The following LRRTM4 variants were observed in gnomAD, a reference collection of about 807,000 sequenced individuals.
LRRTM4 encodes the protein leucine rich repeat transmembrane neuronal 4.
A neutral mutation model predicts 47.6 loss-of-function variants in LRRTM4; 25 were observed. The ratio of observed to expected loss-of-function variants is 0.53; its 90% CI spans 0.38 to 0.73. The LOEUF is 0.73. LRRTM4 is among the 30% of genes least tolerant of loss of function. LRRTM4 has a pLI of 0.00. For synonymous variants in LRRTM4, 311 were observed against 269.5 expected (o/e 1.15, Z -1.51); for missense variants, 638 against 713.4 (o/e 0.89, Z 1.20).
intron 3 of LRRTM4, among the ~76,000 whole-genome samples, chr2:77,091,200 C>A (rs545006860): frequency 4.0e-5 from 6 of 148,342 alleles, no homozygotes; most frequent in Non-Finnish European, 7.6e-5. Flanking sequence ...ATCTCATTGC[C>A]GCCCTTCTTC....
chr2:77,162,714 TGG>T (rs1672765379), intron 3 of LRRTM4, among the ~76,000 whole-genome samples: 1 of 152,200 alleles, frequency 6.6e-6, no homozygotes, highest in South Asian at 2.1e-4. Flanking sequence ...AAACAGGGTC[TGG>T]AGTGGACCTC....
At chr2:77,011,684 T>C (rs1293079592) in intron 3 of LRRTM4, among the ~76,000 whole-genome samples, 1 of 152,044 alleles carries the variant, frequency 6.6e-6, no homozygotes, top group Non-Finnish European at 1.5e-5. Flanking sequence ...CAGTATCCTT[T>C]GCCATGGATG....
At chr2:77,426,942 C>T (rs1193596959) in intron 3 of LRRTM4, among the ~76,000 whole-genome samples, 2 of 151,104 alleles carry the variant, frequency 1.3e-5, no homozygotes, top group Admixed American at 6.6e-5. Flanking sequence ...TGCCTGTATT[C>T]CCCTTTATTC....
intron 3 of LRRTM4, among the ~76,000 whole-genome samples, chr2:77,374,080 G>A (rs2103776239): frequency 6.6e-6 from 1 of 151,842 alleles, no homozygotes; most frequent in East Asian, 1.9e-4. Context: ...TCTGCAACCT[G>A]CCTGTCTACC....
At chr2:76,755,109 C>G (rs368027923) in intron 3 of LRRTM4, among the ~76,000 whole-genome samples, 28 of 152,226 alleles carry the variant, frequency 1.8e-4, no homozygotes, top group African/African-American at 6.7e-4. Flanking sequence ...ATCATGTGGT[C>G]CCTGGTACCA....
intron 3 of LRRTM4, among the ~76,000 whole-genome samples, chr2:76,953,326 T>C (rs1302117159): frequency 4.6e-5 from 7 of 151,788 alleles, no homozygotes; most frequent in Admixed American, 4.6e-4. Flanking sequence ...CTATGAGAAC[T>C]TTAGAAATCA....
At chr2:77,318,314 C>CT (rs1677680062) in intron 3 of LRRTM4, among the ~76,000 whole-genome samples, 1 of 151,998 alleles carries the variant, frequency 6.6e-6, no homozygotes, top group African/African-American at 2.4e-5. Flanking sequence ...CCCCAACACT[C>CT]TTATTTTTAT....
intron 3 of LRRTM4, chr2:77,009,437 T>C (rs1034444583): frequency 6.6e-6 from 1 of 152,144 alleles, no homozygotes; most frequent in African/African-American, 2.4e-5. Flanking sequence ...TCATGCAATA[T>C]GACTCATCCC....
rs1672719981 is a variant in LRRTM4 at position 76,748,431 on chromosome 2, T to C, written c.*264A>G. The C allele has an allele frequency of 2.1e-6, 1 of 486,688 alleles. No homozygotes were observed. Among genetic ancestry groups the C allele is most frequent in the Non-Finnish European group, 3.7e-6 (1 of 271,686 alleles). The allele number at this position is 486,688 out of a possible 1,614,324, so 30.1% of individuals were successfully genotyped here. On this transcript the variant is annotated 3_prime_UTR_variant, in exon 4 of 4. Coordinates refer to ENST00000409884, the MANE Select transcript of LRRTM4 (RefSeq NM_001134745.3). ...CTATTTTTATAAGAACTTGACACTC[T>C]TACTATTTACATCCGGGAGCATTTT...
At chr2:77,292,086 A>G (rs1189542921) in intron 3 of LRRTM4, among the ~76,000 whole-genome samples, 1 of 151,990 alleles carries the variant, frequency 6.6e-6, no homozygotes, top group Non-Finnish European at 1.5e-5. Context: ...CCAAAAAAAC[A>G]CATGAAAAAA....
intron 3 of LRRTM4, among the ~76,000 whole-genome samples, chr2:77,014,866 A>G (rs1047852505): frequency 2.0e-5 from 3 of 152,126 alleles, no homozygotes; most frequent in African/African-American, 7.2e-5. Flanking sequence ...GGATTATATA[A>G]TATCTCATAA....
chr2:77,084,439 G>C (rs980962839), intron 3 of LRRTM4, among the ~76,000 whole-genome samples: 1 of 152,120 alleles, frequency 6.6e-6, no homozygotes, highest in African/African-American at 2.4e-5. Context: ...TACCCCTCTT[G>C]TTTAGCTATG....
chr2:77,025,376 G>A (rs921054823), intron 3 of LRRTM4, among the ~76,000 whole-genome samples: 2 of 152,030 alleles, frequency 1.3e-5, no homozygotes, highest in South Asian at 4.1e-4. Context: ...ATGAGCACAG[G>A]AAAAATCTTG....
intron 3 of LRRTM4, among the ~76,000 whole-genome samples, chr2:77,316,598 GAGTGC>G (rs1337004732): frequency 2.0e-5 from 3 of 151,442 alleles, no homozygotes; most frequent in Non-Finnish European, 4.4e-5. Flanking sequence ...ACCCAGGCTG[GAGTGC>G]AGTGCGTATC....
At chr2:76,992,074 A>G (rs933082922) in intron 3 of LRRTM4, among the ~76,000 whole-genome samples, 1 of 151,878 alleles carries the variant, frequency 6.6e-6, no homozygotes, top group African/African-American at 2.4e-5. Context: ...CCCCTTTAAT[A>G]CAATTTAACA....
rs143592345 is a variant in LRRTM4, at chr2:77,468,756, C to T, written c.1551+49562G>A. 4.6e-4 allele frequency among the ~76,000 whole-genome samples: 70 copies of T among 152,246 alleles called. 1 individual carries two copies. In the Middle Eastern group the frequency reaches 0.01, roughly 22 times the overall value. On this transcript the variant is annotated intron_variant, in intron 3 of 3. Transcript: ENST00000409884. ...CTCTCTCCCTGCTCTCCTCCTGGTG[C>T]CAGTGTCCTGGCCAAACTCTCATGA...
At chr2:76,802,778 G>T (rs1675768317) in intron 3 of LRRTM4, among the ~76,000 whole-genome samples, 1 of 152,060 alleles carries the variant, frequency 6.6e-6, no homozygotes, top group Non-Finnish European at 1.5e-5. Flanking sequence ...ATAGGATAGA[G>T]AACTCAGAAA....
chr2:77,512,379 C>T (rs1395450554), intron 3 of LRRTM4, among the ~76,000 whole-genome samples: 1 of 151,956 alleles, frequency 6.6e-6, no homozygotes, highest in African/African-American at 2.4e-5. Context: ...AAAAATAGCC[C>T]TGTAATTTCT....
intron 3 of LRRTM4, among the ~76,000 whole-genome samples, chr2:77,173,119 G>T (rs541257941): frequency 2.0e-5 from 3 of 152,262 alleles, no homozygotes; most frequent in African/African-American, 7.2e-5. Context: ...ATTAATATGA[G>T]TGAAAAGTTT....
Sources: allele counts gnomAD v4.1 joint callset (sites outside exome capture counted in the v4.1 genomes callset), GRCh38; gene constraint gnomAD v4.1.1; transcripts MANE v1.5; gene names NCBI Gene and HGNC (gene_info 2026-07-23, HGNC 2026-07-21).